The following PFKFB2 variants were observed in gnomAD, a reference collection of about 807,000 sequenced individuals.
PFKFB2 encodes the protein 6-phosphofructo-2-kinase/fructose-2,6-biphosphatase 2.
PFKFB2 carries 53 observed loss-of-function variants against 68.0 expected under a neutral mutation model. The observed-to-expected ratio is 0.78, with a 90% CI of 0.63 to 0.98. PFKFB2 has a LOEUF of 0.98. PFKFB2 is among the 50% of genes least tolerant of loss of function. The pLI is 0.00. For synonymous variants in PFKFB2, 222 were observed against 227.6 expected, an observed-to-expected ratio of 0.98 and a Z score of 0.22; for missense variants, 451 against 642.0, an observed-to-expected ratio of 0.70 and a Z score of 3.22.
At chr1:207,059,971 G>A (rs1169663301) in intron 2 of PFKFB2, among the ~76,000 whole-genome samples, 1 of 152,218 alleles carries the variant, frequency 6.6e-6, no homozygotes, top group Non-Finnish European at 1.5e-5. Context: ...AGTGGGAGGT[G>A]AAGGTGTTTC....
At chr1:207,067,178 T>A (rs919078621) in intron 8 of PFKFB2, among the ~76,000 whole-genome samples, 4 of 152,204 alleles carry the variant, frequency 2.6e-5, no homozygotes, top group African/African-American at 9.7e-5. Flanking sequence ...AATTTTGGGC[T>A]TAGCAAAATC....
intron 10 of PFKFB2, among the ~76,000 whole-genome samples, 173 bp from the exon 11 acceptor site, chr1:207,069,251 C>T (rs1260634992): frequency 6.6e-6 from 1 of 152,162 alleles, no homozygotes; most frequent in African/African-American, 2.4e-5. Context: ...CGGTGAGTCA[C>T]AGACACTCTG....
chr1:207,070,407 C>T lies in PFKFB2; in HGVS notation c.1220C>T (p.Ala407Val). 1 of 1,613,710 alleles carries T rather than the reference C, an allele frequency of 6.2e-7. No homozygotes were observed. Among genetic ancestry groups the T allele is most frequent in the South Asian group, 1.1e-5 (1 of 91,052 alleles). Residue 407 changes from alanine (A) to valine (V), a missense_variant and splice_region_variant, in exon 12 of 15, where the codon GCA (alanine) becomes GTA (valine). Ala to Val is a moderately conservative substitution (Grantham distance 64, BLOSUM62 0). Transcript: ENST00000367080. This position sits in a 1 kb window ranked among gnomAD's most constrained non-coding sequence, Gnocchi z 4.2. ...CTGGCCTACTTCTTGGATAAGGGCG[C>T]AGGTGCCTTTGAGGGAGGGGCTGGG... ...CLLAYFLDKG[A>V]DELPYLRCPL...
Position 207,065,022 on chromosome 1 carries a change from T to C in PFKFB2, c.508-14T>C. ...GACCTCTGATGAGGCCTTTACTGGT[T>C]CCTATGATTTCAGGAGGTTAAGGTA... is the stretch of plus-strand genomic sequence containing the variant. On this transcript the variant is annotated splice_polypyrimidine_tract_variant and intron_variant, in intron 7 of 14. Transcript: ENST00000367080. 6.2e-7 allele frequency: 1 copy of C among 1,613,388 alleles called. No individual in the cohort carries two copies. The highest frequency in any genetic ancestry group is 1.1e-5 in the South Asian group (1 of 91,048).
Position 207,070,881 on chromosome 1 carries a change from G to T in PFKFB2, c.1223-307G>T. The T allele has an allele frequency of 3.1e-6, 1 of 323,122 alleles. No homozygotes were observed. Among genetic ancestry groups the T allele is most frequent in the Non-Finnish European group, 5.8e-6 (1 of 172,758 alleles). 20.0% of individuals were successfully genotyped at this position (323,122 alleles called of 1,614,324 possible). On this transcript the variant is annotated intron_variant, in intron 12 of 14. Transcript: ENST00000367080. The surrounding 1 kb of genome is among the most constrained non-coding windows in gnomAD (Gnocchi z 4.2). ...GCTCAGCATCCTGAGCTGCTTGGAAGCTGTTGTGGTCAGACCTTATTGGCC... is the reference window on the plus strand; with the variant it reads ...GCTCAGCATCCTGAGCTGCTTGGAATCTGTTGTGGTCAGACCTTATTGGCC...
At chr1:207,046,640 G>A (rs1682605597) in intron 2 of PFKFB2, 1 of 152,036 alleles carries the variant, frequency 6.6e-6, no homozygotes, top group African/African-American at 2.4e-5. Flanking sequence ...CTAGATAACA[G>A]ATAAAATACA....
At chr1:207,054,373 C>T (rs1682853879) in intron 1 of PFKFB2, among the ~76,000 whole-genome samples, 1 of 152,138 alleles carries the variant, frequency 6.6e-6, no homozygotes, top group Admixed American at 6.6e-5. Context: ...TTCGATGAAT[C>T]TCAAATTTTC....
chr1:207,037,143 A>T (rs1378069793), intron 1 of PFKFB2, among the ~76,000 whole-genome samples: 1 of 152,220 alleles, frequency 6.6e-6, no homozygotes, highest in African/African-American at 2.4e-5. Flanking sequence ...TGCTAAGGTC[A>T]TCAATGAACT....
intron 2 of PFKFB2, among the ~76,000 whole-genome samples, chr1:207,056,546 C>T (rs1682927175): frequency 1.3e-5 from 2 of 151,714 alleles, no homozygotes; most frequent in South Asian, 2.1e-4. Flanking sequence ...ATCTCTTCTA[C>T]CTGCTTTCCT....
At chr1:207,065,309 C>G (rs774230215) in intron 8 of PFKFB2, 149 bp downstream of exon 8, 5 of 1,431,918 alleles carry the variant, frequency 3.5e-6, no homozygotes, top group Middle Eastern at 2.6e-4. Context: ...GGATTTGTGG[C>G]TTTTATGTGG....
At chr1:207,049,163 C>T (rs1682669742), upstream of PFKFB2, 4 of 1,613,984 alleles carry the variant, frequency 2.5e-6, no homozygotes, top group Non-Finnish European at 3.4e-6. Flanking sequence ...CTAGCTTCAT[C>T]TGCTAATTCC....
Position 207,070,306 on chromosome 1 carries a change from G to A in PFKFB2, c.1119G>A (p.Leu373=), listed in dbSNP as rs1400963693. 1 of 1,613,526 alleles carries A rather than the reference G, an allele frequency of 6.2e-7. No individual in the cohort carries two copies. Among genetic ancestry groups the A allele is most frequent in the African/African-American group, 1.3e-5 (1 of 74,914 alleles). ...GESYQDLVQR[L]EPVIMELERQ... ...CATACCAGGACCTGGTGCAGCGGCT[G>A]GAGCCTGTCATCATGGAGCTGGAAC... Residue 373 remains leucine, a synonymous_variant, in exon 12 of 15, where the codon CTG becomes CTA. Coordinates refer to ENST00000367080, the MANE Select transcript of PFKFB2 (RefSeq NM_006212.2). This position sits in a 1 kb window ranked among gnomAD's most constrained non-coding sequence, Gnocchi z 4.2.
downstream of PFKFB2, chr1:207,078,997 C>A (rs772479545): frequency 6.2e-7 from 1 of 1,611,828 alleles, no homozygotes; most frequent in Non-Finnish European, 8.5e-7. Flanking sequence ...CCCTCCGCAG[C>A]GTCCCTCATG....
At chr1:207,050,125 A>C (rs181387785), upstream of PFKFB2, among the ~76,000 whole-genome samples, 8 of 152,374 alleles carry the variant, frequency 5.3e-5, no homozygotes, top group Admixed American at 5.2e-4. Context: ...TCCTTGATAC[A>C]GCAACTGAAA....
At chr1:207,069,552 G>GGGTCTAGGCAGTCACTTTACA in intron 11 of PFKFB2, 24 bp downstream of exon 11, 1 of 1,435,094 alleles carries the variant, frequency 7.0e-7, no homozygotes, top group Non-Finnish European at 9.8e-7. Flanking sequence ...GTCATGTAAA[G>GGGTCTAGGCAGTCACTTTACA]TGACTGCCTA....
chr1:207,066,820 A>T (rs1411204226), intron 8 of PFKFB2, among the ~76,000 whole-genome samples: 1 of 151,896 alleles, frequency 6.6e-6, no homozygotes, highest in African/African-American at 2.4e-5. Context: ...CGCCCGGCTA[A>T]TTTTTTTATT....
rs371522481 is a variant in PFKFB2 at position 207,054,672 on chromosome 1, C to CT, written c.-17-23dup. 764 of 1,483,250 alleles carry CT rather than the reference C, an allele frequency of 5.2e-4. 3 individuals are homozygous for CT. The African/African-American group carries it at 7.5e-3, about 15-fold the overall frequency. The allele number at this position is 1,483,250 out of a possible 1,614,324, so 91.9% of individuals were successfully genotyped here. On this transcript the variant is annotated intron_variant, in intron 1 of 14. Coordinates refer to ENST00000367080, the MANE Select transcript of PFKFB2 (RefSeq NM_006212.2). ...GTTATGTCTTCTTTCTTCCCCTTCC[C>CT]TTTTTTACATTCTACTTCTCTGTTT...
upstream of PFKFB2, chr1:207,049,571 A>G (rs760728190): frequency 7.4e-6 from 12 of 1,614,228 alleles, no homozygotes; most frequent in Middle Eastern, 1.6e-4. Flanking sequence ...ACGACATAGT[A>G]CACACTAGTA....
intron 8 of PFKFB2, among the ~76,000 whole-genome samples, chr1:207,066,088 A>G (rs1683281538): frequency 6.6e-6 from 1 of 152,230 alleles, no homozygotes; most frequent in South Asian, 2.1e-4. Flanking sequence ...TCTATATATA[A>G]CATGCAAAGC....
Sources: allele counts gnomAD v4.1 joint callset (sites outside exome capture counted in the v4.1 genomes callset), GRCh38; gene constraint gnomAD v4.1.1; non-coding constraint Gnocchi (gnomAD v3.1); transcripts MANE v1.5; gene names NCBI Gene and HGNC (gene_info 2026-07-23, HGNC 2026-07-21).